Variants in RGSL1 observed in about 807,000 individuals in gnomAD.
RGSL1 encodes the protein regulator of G protein signaling like 1.
Under a neutral mutation model 124.7 loss-of-function variants are expected in RGSL1, and 97 were observed. The observed-to-expected ratio is 0.78, with a 90% CI of 0.66 to 0.92. The LOEUF (loss-of-function observed/expected upper bound fraction) is 0.92. RGSL1 is among the 40% of genes least tolerant of loss of function. The pLI is 0.00. For missense variants in RGSL1, 1,233 were observed against 1,288.4 expected (o/e 0.96, Z 0.66); for synonymous variants, 424 against 438.1 (o/e 0.97, Z 0.40).
At chr1:182,548,598 G>T (rs1320557623) in intron 16 of RGSL1, 102 bp from the exon 17 acceptor site, 13 of 1,515,542 alleles carry the variant, frequency 8.6e-6, no homozygotes, top group Non-Finnish European at 1.2e-5. Context: ...AAAACCGTAT[G>T]CCTTTTGGAG....
chr1:182,521,507 A>G (rs759334437), intron 9 of RGSL1, among the ~76,000 whole-genome samples: 2 of 152,242 alleles, frequency 1.3e-5, no homozygotes, highest in Non-Finnish European at 2.9e-5. Flanking sequence ...TCCGTGGGAA[A>G]GAAAATGGTT....
chr1:182,468,803 G>A (rs968297951), intron 4 of RGSL1, among the ~76,000 whole-genome samples: 3 of 151,782 alleles, frequency 2.0e-5, no homozygotes, highest in African/African-American at 4.8e-5. Context: ...AAAAAACAGT[G>A]TGGTGGCATA....
At chr1:182,481,343 T>C (rs549912860) in intron 6 of RGSL1, among the ~76,000 whole-genome samples, 2 of 152,216 alleles carry the variant, frequency 1.3e-5, no homozygotes, top group South Asian at 4.1e-4. Context: ...TTGGACAACC[T>C]ACAAGAAATA....
At chr1:182,464,781 T>C (rs1050953435) in intron 4 of RGSL1, among the ~76,000 whole-genome samples, 1 of 150,276 alleles carries the variant, frequency 6.7e-6, no homozygotes, top group Non-Finnish European at 1.5e-5. Context: ...TAAAAAAGAC[T>C]ATAGATCACT....
intron 10 of RGSL1, among the ~76,000 whole-genome samples, chr1:182,522,329 T>A (rs1400341066): frequency 6.6e-6 from 1 of 152,208 alleles, no homozygotes; most frequent in African/African-American, 2.4e-5. Flanking sequence ...CTTTTCAAAC[T>A]TAAACTATCA....
intron 5 of RGSL1, 190 bp downstream of exon 5, chr1:182,472,747 C>A (rs1653951079): frequency 1.9e-6 from 1 of 538,006 alleles, no homozygotes. Context: ...TAAGCTGGCA[C>A]TTGCCTCTCT....
intron 18 of RGSL1, among the ~76,000 whole-genome samples, chr1:182,551,737 CAT>C (rs77094040): frequency 0.41 from 62,476 of 151,490 alleles, 13,141 homozygotes; most frequent in African/African-American, 0.47. Flanking sequence ...AATATGCATA[CAT>C]ATATATATAT....
chr1:182,467,103 A>G lies in RGSL1; in HGVS notation c.302-5293A>G, dbSNP rs537788791. 4.6e-5 allele frequency among the ~76,000 whole-genome samples: 7 copies of G among 152,322 alleles called. No individual in the cohort carries two copies. The East Asian group carries it at 9.6e-4, about 21-fold the overall frequency. ...CAAGGAGAACTACAAACCACTGCTC[A>G]ATGAAATAAAAGAGGACACAAACAA... On this transcript the variant is annotated intron_variant, in intron 4 of 21. Coordinates refer to ENST00000294854, the MANE Select transcript of RGSL1 (RefSeq NM_001137669.2).
chr1:182,559,734 A>G (rs1392793664), intron 21 of RGSL1, among the ~76,000 whole-genome samples: 1 of 151,858 alleles, frequency 6.6e-6, no homozygotes, highest in Non-Finnish European at 1.5e-5. Context: ...TCTCATACAC[A>G]CCATTCTCCA....
chr1:182,461,990 G>T (rs1652876070), intron 4 of RGSL1, among the ~76,000 whole-genome samples: 2 of 152,044 alleles, frequency 1.3e-5, no homozygotes, highest in Admixed American at 1.3e-4. Flanking sequence ...CTTGATGGAA[G>T]ACATGAATAT....
intron 17 of RGSL1, chr1:182,549,655 A>T (rs1215405965): frequency 6.6e-6 from 1 of 152,188 alleles, no homozygotes. Flanking sequence ...TTAGATTATC[A>T]TGTGACTTGG....
chr1:182,450,376 T>C (rs1462971991), intron 1 of RGSL1, 198 bp downstream of exon 1: 3 of 641,830 alleles, frequency 4.7e-6, no homozygotes, highest in East Asian at 2.7e-5. Context: ...TTGAGGATAG[T>C]ACAGGGCCTT....
chr1:182,492,724 G>A (rs1232314640), intron 8 of RGSL1, among the ~76,000 whole-genome samples: 2 of 151,804 alleles, frequency 1.3e-5, no homozygotes, highest in East Asian at 1.9e-4. Context: ...CGCCTCCCAG[G>A]TTCACACCAT....
intron 4 of RGSL1, among the ~76,000 whole-genome samples, chr1:182,461,200 T>C (rs183391410): frequency 6.6e-6 from 1 of 151,724 alleles, no homozygotes; most frequent in Admixed American, 6.6e-5. Context: ...ACTGCATATA[T>C]GGAGAAAATT....
intron 9 of RGSL1, among the ~76,000 whole-genome samples, chr1:182,494,310 G>C (rs1655750898): frequency 1.3e-5 from 2 of 152,154 alleles, no homozygotes; most frequent in Admixed American, 1.3e-4. Flanking sequence ...AGCTTAATGC[G>C]ATTGAACAGC....
At chr1:182,509,702 T>C (rs369551499) in intron 9 of RGSL1, among the ~76,000 whole-genome samples, 83,012 of 106,252 alleles carry the variant, frequency 0.78, 31,951 homozygotes, top group Non-Finnish European at 0.81. Flanking sequence ...ACGGCACGGC[T>C]GGCCGGGCGG....
chr1:182,463,557 T>C (rs1007954643), intron 4 of RGSL1, among the ~76,000 whole-genome samples: 2 of 152,188 alleles, frequency 1.3e-5, no homozygotes. Flanking sequence ...ATTTTTATCC[T>C]ACACTGTCTT....
rs752203530 is a variant in RGSL1, at chr1:182,472,483, CCCT to C, written c.397_399del (p.Leu133del). ...CTGGAAGTGAGAGACTACTACCTGT[CCCT>C]CCTCCTCATGCTGAGGGCCACTCAT... On this transcript the variant is annotated inframe_deletion, in exon 5 of 22. Transcript: ENST00000294854. 1.9e-6 allele frequency: 3 copies of C among 1,551,064 alleles called. 1 individual carries two copies. Among genetic ancestry groups the C allele is most frequent in the South Asian group, 2.4e-5 (2 of 83,922 alleles).
At chr1:182,528,343 C>A (rs1658910679) in intron 11 of RGSL1, among the ~76,000 whole-genome samples, 1 of 152,194 alleles carries the variant, frequency 6.6e-6, no homozygotes. Flanking sequence ...TCCGGCCCCT[C>A]CCAAATCTCA....
Sources: allele counts gnomAD v4.1 joint callset (sites outside exome capture counted in the v4.1 genomes callset), GRCh38; gene constraint gnomAD v4.1.1; transcripts MANE v1.5; gene names NCBI Gene and HGNC (gene_info 2026-07-23, HGNC 2026-07-21).